Variants in CFAP92 observed in about 807,000 individuals in gnomAD.
CFAP92 encodes uncharacterized protein CFAP92.
CFAP92 carries 86 observed loss-of-function variants against 106.3 expected under a neutral mutation model. That is an observed-to-expected ratio of 0.81 (90% CI 0.68 to 0.97). The LOEUF is 0.97. CFAP92 is among the 50% of genes least tolerant of loss of function. CFAP92 has a pLI of 0.00. For missense variants in CFAP92, 1,204 were observed against 1,283.8 expected (o/e 0.94, Z 0.95); for synonymous variants, 477 against 506.4 (o/e 0.94, Z 0.78).
intron 1 of CFAP92, chr3:129,001,966 C>T: frequency 1.3e-6 from 2 of 1,544,280 alleles, no homozygotes; most frequent in African/African-American, 1.4e-5. Flanking sequence ...CCCGGGGATG[C>T]GGCCGCTGAG....
intron 10 of CFAP92, among the ~76,000 whole-genome samples, chr3:128,942,597 A>G (rs1415436707): frequency 6.6e-6 from 1 of 152,148 alleles, no homozygotes; most frequent in Non-Finnish European, 1.5e-5. Context: ...TGTGACTCAG[A>G]TCGCCTCCCA....
chr3:129,026,134 T>C, the CFAP92 span, among the ~76,000 whole-genome samples: 2 of 152,354 alleles, frequency 1.3e-5, no homozygotes, highest in South Asian at 4.1e-4. Context: ...GAGAACAGCT[T>C]TCAGAACATT....
chr3:128,944,097 T>C (rs71331680), intron 10 of CFAP92, among the ~76,000 whole-genome samples: 21,627 of 151,570 alleles, frequency 0.14, 1,632 homozygotes, highest in Middle Eastern at 0.19. Flanking sequence ...GCTTGGCTAA[T>C]TTTTGTATTT....
At chr3:128,949,837 C>A (rs918139010) in intron 9 of CFAP92, among the ~76,000 whole-genome samples, 3 of 152,148 alleles carry the variant, frequency 2.0e-5, no homozygotes, top group Non-Finnish European at 4.4e-5. Context: ...CAGGCACGTG[C>A]CACCACGCTC....
chr3:128,985,074 T>G (rs1205501346), intron 4 of CFAP92, among the ~76,000 whole-genome samples: 3 of 152,240 alleles, frequency 2.0e-5, no homozygotes, highest in Non-Finnish European at 4.4e-5. Context: ...GAATTCGCAC[T>G]GCTTTTTTAA....
intron 12 of CFAP92, among the ~76,000 whole-genome samples, chr3:128,919,829 G>T (rs770882837): frequency 1.3e-5 from 2 of 152,192 alleles, no homozygotes; most frequent in Non-Finnish European, 2.9e-5. Context: ...CAAGGAGGAA[G>T]GGCCCTGGTA....
the CFAP92 span, among the ~76,000 whole-genome samples, chr3:129,018,402 A>T: frequency 2.0e-5 from 3 of 152,388 alleles, no homozygotes; most frequent in Non-Finnish European, 2.9e-5. Flanking sequence ...ATTTCATGAC[A>T]TATGAAAATT....
At chr3:128,941,941 G>A (rs1015982701) in intron 10 of CFAP92, among the ~76,000 whole-genome samples, 7 of 151,966 alleles carry the variant, frequency 4.6e-5, no homozygotes, top group Non-Finnish European at 7.4e-5. Context: ...TTTATTTCTA[G>A]CCTAATTCAA....
the CFAP92 span, among the ~76,000 whole-genome samples, chr3:129,012,408 C>T: frequency 2.6e-5 from 4 of 152,150 alleles, no homozygotes; most frequent in African/African-American, 9.7e-5. Flanking sequence ...CAGCACTCTC[C>T]ATCCACCTGT....
chr3:128,926,883 C>G (rs1937706181), intron 12 of CFAP92, among the ~76,000 whole-genome samples: 1 of 151,988 alleles, frequency 6.6e-6, no homozygotes, highest in African/African-American at 2.4e-5. Context: ...ATCACAAGGT[C>G]AGGAGATTGA....
At chr3:128,928,297 T>A (rs1937934660) in intron 12 of CFAP92, among the ~76,000 whole-genome samples, 1 of 152,160 alleles carries the variant, frequency 6.6e-6, no homozygotes, top group African/African-American at 2.4e-5. Context: ...CCTATAGAAT[T>A]TGTTGCAGAA....
intron 1 of CFAP92, among the ~76,000 whole-genome samples, chr3:129,001,380 C>T (rs115284404): frequency 2.0e-5 from 3 of 152,234 alleles, no homozygotes; most frequent in South Asian, 2.1e-4. Flanking sequence ...AGACGCCGAC[C>T]GGGCACTGGT....
At chr3:128,946,575 T>G (rs1011607806) in intron 9 of CFAP92, among the ~76,000 whole-genome samples, 1 of 152,210 alleles carries the variant, frequency 6.6e-6, no homozygotes, top group Admixed American at 6.5e-5. Context: ...CATCACAAAT[T>G]AAGCCTTACA....
intron 15 of CFAP92, 147 bp from the exon 16 acceptor site, chr3:128,910,480 C>T: frequency 1.2e-6 from 1 of 843,382 alleles, no homozygotes. Context: ...TCTCTGCCTG[C>T]ACTTTCCAGA....
At chr3:128,970,382 C>T (rs199924198) in intron 8 of CFAP92, 1 of 152,148 alleles carries the variant, frequency 6.6e-6, no homozygotes, top group African/African-American at 2.4e-5. Context: ...GTTTTTGCCC[C>T]CTTCTCTATG....
chr3:128,920,639 G>A lies in CFAP92; in HGVS notation c.2752-4368C>T, dbSNP rs572116182. 3.3e-5 allele frequency among the ~76,000 whole-genome samples: 5 copies of A among 152,298 alleles called. No homozygotes were observed. The South Asian group carries it at 1.0e-3, about 32-fold the overall frequency. On this transcript the variant is annotated intron_variant, in intron 12 of 15. Transcript: ENST00000645291. Reference sequence around the variant, plus strand: ...TGCATGTCTGACGTAACGTAAAAGAGTCTTGGAACATGTCCGGCGTCCAGG... The same window carrying A: ...TGCATGTCTGACGTAACGTAAAAGAATCTTGGAACATGTCCGGCGTCCAGG...
At chr3:129,022,583 G>A in the CFAP92 span, among the ~76,000 whole-genome samples, 1 of 152,214 alleles carries the variant, frequency 6.6e-6, no homozygotes, top group Non-Finnish European at 1.5e-5. Flanking sequence ...CCGGCCTCCG[G>A]ATGCTGTGCA....
At chr3:128,942,727 T>C (rs573580607) in intron 10 of CFAP92, among the ~76,000 whole-genome samples, 14 of 151,348 alleles carry the variant, frequency 9.3e-5, no homozygotes, top group African/African-American at 3.2e-4. Flanking sequence ...CAGGCTGGAG[T>C]GCAGTGGCAT....
intron 5 of CFAP92, among the ~76,000 whole-genome samples, chr3:128,977,496 CCT>C (rs1325238183): frequency 2.0e-5 from 3 of 152,104 alleles, no homozygotes; most frequent in African/African-American, 4.8e-5. Flanking sequence ...AATTGTTTTC[CCT>C]GTTTGTTTTA....
Sources: allele counts gnomAD v4.1 joint callset (sites outside exome capture counted in the v4.1 genomes callset), GRCh38; gene constraint gnomAD v4.1.1; transcripts MANE v1.5; gene names NCBI Gene and HGNC (gene_info 2026-07-23, HGNC 2026-07-21).